Variants in IL1R1 observed in about 807,000 individuals in gnomAD.
The protein encoded by IL1R1 is interleukin 1 receptor type 1.
Under a neutral mutation model 50.2 loss-of-function variants are expected in IL1R1, and 22 were observed. That is an observed-to-expected ratio of 0.44 (90% CI 0.31 to 0.63). IL1R1 has a LOEUF of 0.63. Among genes scored for constraint, IL1R1 ranks in the 20% least tolerant of loss-of-function variants. The pLI is 0.07. For synonymous variants in IL1R1, 251 were observed against 236.7 expected, an observed-to-expected ratio of 1.06 and a Z score of -0.55; for missense variants, 509 against 676.2, an observed-to-expected ratio of 0.75 and a Z score of 2.74.
At chr2:102,169,977 C>T (rs373656764) in intron 7 of IL1R1, among the ~76,000 whole-genome samples, 222 of 152,276 alleles carry the variant, frequency 1.5e-3, no homozygotes, top group Middle Eastern at 0.01. Flanking sequence ...TTGCCTCTTC[C>T]CCAAGAACCA....
At chr2:102,157,079 T>A (rs140353430) in intron 2 of IL1R1, among the ~76,000 whole-genome samples, 1 of 152,300 alleles carries the variant, frequency 6.6e-6, no homozygotes, top group Non-Finnish European at 1.5e-5. Context: ...TTTCCTTTCC[T>A]CTTTTTTTCA....
upstream of IL1R1, among the ~76,000 whole-genome samples, chr2:102,099,769 G>GTT (rs1680062053): frequency 6.6e-6 from 1 of 152,170 alleles, no homozygotes; most frequent in Non-Finnish European, 1.5e-5. Flanking sequence ...GTTTGGTTTT[G>GTT]TTTTCCACCA....
intron 1 of IL1R1, among the ~76,000 whole-genome samples, chr2:102,109,439 G>T (rs1249498760): frequency 6.6e-6 from 1 of 150,840 alleles, no homozygotes; most frequent in Admixed American, 6.6e-5. Flanking sequence ...CTGCAGGCTA[G>T]TGAGGAGAGA....
intron 1 of IL1R1, among the ~76,000 whole-genome samples, chr2:102,096,147 A>G (rs1679894974): frequency 6.6e-6 from 1 of 152,188 alleles, no homozygotes; most frequent in Non-Finnish European, 1.5e-5. Context: ...AATATACTGT[A>G]ATTGACGCAT....
At chr2:102,128,943 T>C (rs1681876478) in intron 1 of IL1R1, among the ~76,000 whole-genome samples, 1 of 152,166 alleles carries the variant, frequency 6.6e-6, no homozygotes, top group Non-Finnish European at 1.5e-5. Context: ...GGCTCACTCC[T>C]GTAATCCCAT....
chr2:102,119,281 G>A (rs13029169), intron 1 of IL1R1, among the ~76,000 whole-genome samples: 35,639 of 152,140 alleles, frequency 0.23, 6,305 homozygotes, highest in African/African-American at 0.49. Context: ...TCCATGGAGG[G>A]CATTTCTTCT....
At chr2:102,114,236 A>G (rs1356168902) in intron 1 of IL1R1, among the ~76,000 whole-genome samples, 2 of 152,364 alleles carry the variant, frequency 1.3e-5, no homozygotes, top group East Asian at 3.9e-4. Flanking sequence ...AATGAAATGC[A>G]TATCATAATA....
At chr2:102,159,496 G>T (rs1260373157) in intron 3 of IL1R1, among the ~76,000 whole-genome samples, 1 of 152,214 alleles carries the variant, frequency 6.6e-6, no homozygotes, top group Non-Finnish European at 1.5e-5. Context: ...CATGCACACA[G>T]CCCTGCATAC....
At chr2:102,165,533 A>C (rs959534553) in intron 5 of IL1R1, among the ~76,000 whole-genome samples, 1 of 152,232 alleles carries the variant, frequency 6.6e-6, no homozygotes, top group African/African-American at 2.4e-5. Context: ...GATGTAATTG[A>C]GAAAAGTACT....
At chr2:102,111,419 A>G (rs1680755463) in intron 1 of IL1R1, among the ~76,000 whole-genome samples, 1 of 152,222 alleles carries the variant, frequency 6.6e-6, no homozygotes, top group Non-Finnish European at 1.5e-5. Context: ...GACATTTTAC[A>G]AAAATACGTT....
intron 1 of IL1R1, among the ~76,000 whole-genome samples, chr2:102,130,927 G>A (rs186710703): frequency 6.6e-6 from 1 of 152,278 alleles, no homozygotes; most frequent in East Asian, 1.9e-4. Flanking sequence ...TGATCCCTGA[G>A]AGGCAGAAAA....
intron 1 of IL1R1, among the ~76,000 whole-genome samples, chr2:102,144,818 A>G (rs1271454061): frequency 6.6e-6 from 1 of 152,178 alleles, no homozygotes. Context: ...GCACAGATGT[A>G]GCTCTGTGGT....
At position 102,109,177 on chromosome 2, in the gene IL1R1, C is replaced by A. The variant is rs115109548; in HGVS notation, c.-84+4305C>A. Among the ~76,000 whole-genome samples, 1,153 of 152,040 alleles carry A rather than the reference C, an allele frequency of 7.6e-3. 8 individuals carry two copies. Among genetic ancestry groups the A allele is most frequent in the Middle Eastern group, 0.024 (7 of 292 alleles). ...TGACGCAGACAGGCTCACTCTGGAGCCTGTGGGTCAGTGAGGGTAGGTCGG... is the reference window on the plus strand; with the variant it reads ...TGACGCAGACAGGCTCACTCTGGAGACTGTGGGTCAGTGAGGGTAGGTCGG... On this transcript the variant is annotated intron_variant, in intron 1 of 10. Coordinates refer to the IL1R1 transcript ENST00000409329.
intron 1 of IL1R1, among the ~76,000 whole-genome samples, chr2:102,121,044 G>T (rs1443299197): frequency 6.6e-6 from 1 of 152,162 alleles, no homozygotes; most frequent in East Asian, 1.9e-4. Context: ...GTGTTAATCT[G>T]CATCCTGCAG....
chr2:102,104,483 A>C (rs186243337), upstream of IL1R1: 1 of 152,328 alleles, frequency 6.6e-6, no homozygotes, highest in African/African-American at 2.4e-5. Flanking sequence ...GGTGTTTCTT[A>C]AGGGTCTGGC....
intron 1 of IL1R1, among the ~76,000 whole-genome samples, chr2:102,153,077 G>T (rs1042691802): frequency 1.3e-5 from 2 of 152,160 alleles, no homozygotes; most frequent in African/African-American, 4.8e-5. Context: ...TAGCAGTAAG[G>T]CTACCACAAC....
At chr2:102,162,127 C>T (rs1048805568) in intron 3 of IL1R1, among the ~76,000 whole-genome samples, 1 of 152,090 alleles carries the variant, frequency 6.6e-6, no homozygotes, top group Non-Finnish European at 1.5e-5. Context: ...TTGACAAAAT[C>T]GTGTATATTT....
In IL1R1 at chr2:102,149,623, C is replaced by G. The variant is rs116191276; in HGVS notation, c.-83-4318C>G. Among the ~76,000 whole-genome samples the G allele has an allele frequency of 2.5e-3, 383 of 152,226 alleles. 3 individuals carry two copies. The highest frequency in any genetic ancestry group is 7.3e-3 in the African/African-American group (305 of 41,548). On this transcript the variant is annotated intron_variant, in intron 1 of 11. Transcript: ENST00000410023. ...TACCTGGGATCCCTGAATTCCCTCC[C>G]CAAACACCCTGGACCCTAATTCCAG... is the stretch of plus-strand genomic sequence containing the variant.
At chr2:102,125,560 G>C (rs1187836434) in intron 1 of IL1R1, among the ~76,000 whole-genome samples, 1 of 152,210 alleles carries the variant, frequency 6.6e-6, no homozygotes, top group African/African-American at 2.4e-5. Context: ...CAAGGAAGAA[G>C]TGGGGTATCT....
Sources: gnomAD v4.1 joint callset for allele counts (sites outside exome capture counted in the v4.1 genomes callset) on GRCh38, gnomAD v4.1.1 for gene constraint, MANE v1.5 for transcripts, NCBI Gene and HGNC (gene_info 2026-07-23, HGNC 2026-07-21) for gene names.